KLHL2: variants seen among roughly 807,000 people sequenced by gnomAD.
The protein encoded by KLHL2 is kelch like family member 2.
A neutral mutation model predicts 75.8 loss-of-function variants in KLHL2; 15 were observed. The ratio of observed to expected loss-of-function variants is 0.20; its 90% CI spans 0.13 to 0.30. The LOEUF (loss-of-function observed/expected upper bound fraction) is 0.30, where lower values mean the gene tolerates loss of function less well. KLHL2 is among the 10% of genes least tolerant of loss of function. The pLI, the probability that KLHL2 is intolerant of heterozygous loss-of-function variation, is 1.00. For missense variants in KLHL2, 381 were observed against 741.0 expected (o/e 0.51, Z 5.64); for synonymous variants, 214 against 251.9 (o/e 0.85, Z 1.42).
intron 5 of KLHL2, among the ~76,000 whole-genome samples, chr4:165,269,255 C>T (rs1347997551): frequency 2.0e-5 from 3 of 152,092 alleles, no homozygotes; most frequent in Non-Finnish European, 4.4e-5. Context: ...TGGGTCTTGA[C>T]TCTTTATCCA....
chr4:165,277,587 C>G (rs950973617), intron 5 of KLHL2, among the ~76,000 whole-genome samples: 3 of 152,196 alleles, frequency 2.0e-5, no homozygotes, highest in East Asian at 1.9e-4. Context: ...TGCAAAGACT[C>G]AAGTCCTGTT....
At chr4:165,274,984 T>C (rs1742968635) in intron 5 of KLHL2, among the ~76,000 whole-genome samples, 2 of 152,206 alleles carry the variant, frequency 1.3e-5, no homozygotes, top group African/African-American at 4.8e-5. Flanking sequence ...ACCACCCTGC[T>C]TCTCCAAGGC....
At chr4:165,299,777 T>C in intron 8 of KLHL2, 121 bp downstream of exon 8, 1 of 889,232 alleles carries the variant, frequency 1.1e-6, no homozygotes, top group Non-Finnish European at 1.7e-6. Context: ...CAAGAGAAAA[T>C]GTGCCTAAGA....
rs573662740 is a variant in KLHL2, at chr4:165,211,573, G to A, written c.26+3671G>A. Among the ~76,000 whole-genome samples the A allele has an allele frequency of 5.3e-5, 8 of 152,224 alleles. No individual in the cohort carries two copies. The South Asian group carries it at 1.7e-3, about 32-fold the overall frequency. Reference sequence around the variant, plus strand: ...TGCATTGGAGTGTATTCTTATTTTTGTTTAACTAAATGTACATTGGGCATC... The same window carrying A: ...TGCATTGGAGTGTATTCTTATTTTTATTTAACTAAATGTACATTGGGCATC... On this transcript the variant is annotated intron_variant, in intron 1 of 14. Transcript: ENST00000226725.
intron 5 of KLHL2, among the ~76,000 whole-genome samples, chr4:165,264,346 G>A (rs868523494): frequency 6.6e-6 from 1 of 151,340 alleles, no homozygotes; most frequent in Non-Finnish European, 1.5e-5. Flanking sequence ...ACTCTAATCG[G>A]TAGTTTTTCA....
intron 1 of KLHL2, among the ~76,000 whole-genome samples, chr4:165,215,860 A>G (rs189125775): frequency 7.2e-5 from 11 of 152,194 alleles, no homozygotes; most frequent in African/African-American, 2.7e-4. Context: ...AAAATCACGC[A>G]TTGCTGGCTT....
intron 2 of KLHL2, among the ~76,000 whole-genome samples, chr4:165,221,961 A>G (rs939177759): frequency 2.6e-5 from 4 of 152,134 alleles, no homozygotes; most frequent in African/African-American, 7.2e-5. Flanking sequence ...GGGATCTTTA[A>G]TGGCTCTTTT....
intron 1 of KLHL2, among the ~76,000 whole-genome samples, chr4:165,218,897 T>C (rs756554824): frequency 2.0e-5 from 3 of 152,354 alleles, no homozygotes; most frequent in Non-Finnish European, 4.4e-5. Context: ...GTTAAAAAAT[T>C]GGTGCCCTGA....
At chr4:165,286,619 A>G (rs550824898) in intron 5 of KLHL2, among the ~76,000 whole-genome samples, 1 of 152,296 alleles carries the variant, frequency 6.6e-6, no homozygotes, top group South Asian at 2.1e-4. Context: ...ACCAATGCCA[A>G]GAAAAAGACT....
At chr4:165,315,567 A>T (rs1187732339) in intron 13 of KLHL2, among the ~76,000 whole-genome samples, 2 of 152,184 alleles carry the variant, frequency 1.3e-5, no homozygotes, top group Non-Finnish European at 2.9e-5. Flanking sequence ...AATTTGAATT[A>T]TTTACTTCTA....
At chr4:165,235,977 G>A (rs1256059476) in intron 3 of KLHL2, among the ~76,000 whole-genome samples, 1 of 152,008 alleles carries the variant, frequency 6.6e-6, no homozygotes, top group Non-Finnish European at 1.5e-5. Context: ...TGGACTGGGA[G>A]AAACCAAAGG....
At chr4:165,276,410 G>C (rs751163140) in intron 5 of KLHL2, among the ~76,000 whole-genome samples, 1 of 151,790 alleles carries the variant, frequency 6.6e-6, no homozygotes, top group East Asian at 1.9e-4. Flanking sequence ...CCTGTATGTC[G>C]TGAGCAGACT....
chr4:165,265,602 C>G (rs1742179427), intron 5 of KLHL2, among the ~76,000 whole-genome samples: 1 of 151,972 alleles, frequency 6.6e-6, no homozygotes, highest in South Asian at 2.1e-4. Flanking sequence ...TGTACACGAG[C>G]ACAACGTGAT....
chr4:165,321,503 G>C (rs1200595189), intron 14 of KLHL2: 1 of 316,048 alleles, frequency 3.2e-6, no homozygotes, highest in Non-Finnish European at 6.2e-6. Context: ...TGTAAAATAT[G>C]TGTTAATTGA....
intron 8 of KLHL2, among the ~76,000 whole-genome samples, chr4:165,303,035 T>C (rs550802702): frequency 2.9e-4 from 44 of 152,336 alleles, no homozygotes; most frequent in African/African-American, 1.1e-3. Context: ...CAATGGTTTA[T>C]GACACAGTCT....
At chr4:165,244,880 T>G (rs61104376) in intron 4 of KLHL2, among the ~76,000 whole-genome samples, 55,740 of 151,348 alleles carry the variant, frequency 0.37, 10,588 homozygotes, top group African/African-American at 0.43. Flanking sequence ...GTGTGTGTGT[T>G]TTTTTTGACA....
intron 4 of KLHL2, among the ~76,000 whole-genome samples, chr4:165,261,530 G>A (rs1203611401): frequency 1.3e-5 from 2 of 152,098 alleles, no homozygotes; most frequent in South Asian, 2.1e-4. Flanking sequence ...GAGTAGATTG[G>A]GCTTTCACCA....
chr4:165,224,608 G>A (rs1247703673), intron 2 of KLHL2, among the ~76,000 whole-genome samples: 1 of 152,164 alleles, frequency 6.6e-6, no homozygotes, highest in Non-Finnish European at 1.5e-5. Flanking sequence ...TATCTGATGT[G>A]CATCCATAAA....
intron 8 of KLHL2, among the ~76,000 whole-genome samples, chr4:165,299,873 T>C (rs969701403): frequency 6.6e-6 from 1 of 152,238 alleles, no homozygotes; most frequent in African/African-American, 2.4e-5. Flanking sequence ...TTTTATAAAC[T>C]GCATGATGTC....
Sources: allele counts gnomAD v4.1 joint callset (sites outside exome capture counted in the v4.1 genomes callset), GRCh38; gene constraint gnomAD v4.1.1; transcripts MANE v1.5; gene names NCBI Gene and HGNC (gene_info 2026-07-23, HGNC 2026-07-21).